Variants in TTC28 observed in about 807,000 individuals in gnomAD.
TTC28 encodes tetratricopeptide repeat protein 28.
In TTC28, 61 loss-of-function variants were observed where a neutral mutation model predicts 198.0. That is an observed-to-expected ratio of 0.31 (90% confidence interval 0.25 to 0.38). The LOEUF is 0.38. TTC28 is among the 10% of genes least tolerant of loss of function. TTC28 has a pLI of 1.00. For missense variants in TTC28, 2,678 were observed against 3,164.0 expected, an observed-to-expected ratio of 0.85 and a Z score of 3.69; for synonymous variants, 1,171 against 1,297.8, an observed-to-expected ratio of 0.90 and a Z score of 2.10.
chr22:28,565,171 G>A (rs1251338381), intron 2 of TTC28, among the ~76,000 whole-genome samples: 1 of 151,664 alleles, frequency 6.6e-6, no homozygotes, highest in East Asian at 1.9e-4. Flanking sequence ...CTCATAAGCT[G>A]GGAAGACAAT....
chr22:28,448,289 C>A (rs1401706986), intron 2 of TTC28, among the ~76,000 whole-genome samples: 2 of 152,096 alleles, frequency 1.3e-5, no homozygotes, highest in East Asian at 1.9e-4. Flanking sequence ...CTATTCAAAT[C>A]TGAACAAAAG....
At chr22:28,489,663 G>A (rs923862017) in intron 2 of TTC28, among the ~76,000 whole-genome samples, 26 of 152,118 alleles carry the variant, frequency 1.7e-4, no homozygotes, top group Non-Finnish European at 7.4e-5. Flanking sequence ...GTGCATGCCT[G>A]TAGTTCCAGC....
intron 6 of TTC28, among the ~76,000 whole-genome samples, chr22:28,156,202 A>C (rs1943745528): frequency 6.6e-6 from 1 of 152,202 alleles, no homozygotes; most frequent in African/African-American, 2.4e-5. Context: ...CAAATTAAGA[A>C]TCTTGAGAAA....
rs529094865 is a variant in TTC28, at chr22:28,623,118, C to T, written c.381+6434G>A. ...GATTACAGGTGTGAGCCACCATGCC[C>T]GGCCCAAAATAGATATTTTTTAAGA... On this transcript the variant is annotated intron_variant, in intron 2 of 22. Transcript: ENST00000397906. Among the ~76,000 whole-genome samples, 234 of 152,120 alleles carry T rather than the reference C, an allele frequency of 1.5e-3. 1 individual carries two copies. The highest frequency in any genetic ancestry group is 5.1e-3 in the African/African-American group (212 of 41,466).
intron 22 of TTC28, among the ~76,000 whole-genome samples, chr22:27,984,946 T>C (rs1311996943): frequency 6.6e-6 from 1 of 152,208 alleles, no homozygotes; most frequent in Non-Finnish European, 1.5e-5. Flanking sequence ...GGTCAGGCCC[T>C]GTGGCCCCAC....
chr22:28,609,455 C>T (rs772581613), intron 2 of TTC28, among the ~76,000 whole-genome samples: 6 of 152,128 alleles, frequency 3.9e-5, no homozygotes, highest in Non-Finnish European at 7.3e-5. Flanking sequence ...GGTGAGGCGT[C>T]GCCTTACCCG....
intron 2 of TTC28, among the ~76,000 whole-genome samples, chr22:28,511,044 A>T (rs2048681084): frequency 6.6e-6 from 1 of 152,202 alleles, no homozygotes; most frequent in African/African-American, 2.4e-5. Context: ...ATGCTCATGG[A>T]TAGGAATAAT....
intron 1 of TTC28, among the ~76,000 whole-genome samples, chr22:28,632,863 T>C (rs888252193): frequency 1.3e-5 from 2 of 151,966 alleles, no homozygotes; most frequent in Admixed American, 1.3e-4. Flanking sequence ...CAGTGGTTCA[T>C]CCCTGTAATC....
intron 12 of TTC28, among the ~76,000 whole-genome samples, chr22:28,067,008 C>T (rs1269807495): frequency 6.6e-6 from 1 of 152,176 alleles, no homozygotes; most frequent in Non-Finnish European, 1.5e-5. Context: ...CTGAGCCCTC[C>T]CTAAAGTACC....
intron 6 of TTC28, among the ~76,000 whole-genome samples, chr22:28,112,279 T>C (rs1003152570): frequency 6.6e-6 from 1 of 152,194 alleles, no homozygotes; most frequent in African/African-American, 2.4e-5. Flanking sequence ...ATTCTGTTTC[T>C]CTGACTCTCA....
intron 13 of TTC28, among the ~76,000 whole-genome samples, chr22:28,026,248 G>C (rs1271761663): frequency 6.6e-6 from 1 of 152,166 alleles, no homozygotes; most frequent in African/African-American, 2.4e-5. Flanking sequence ...CGTGGCAGCA[G>C]CTCTGGCTCT....
chr22:28,167,912 C>T (rs1352491753), intron 5 of TTC28, among the ~76,000 whole-genome samples: 1 of 152,140 alleles, frequency 6.6e-6, no homozygotes, highest in Non-Finnish European at 1.5e-5. Context: ...GATTGTATAT[C>T]TAGAAAACCC....
At chr22:28,186,234 C>T (rs1379973428) in intron 5 of TTC28, among the ~76,000 whole-genome samples, 1 of 152,006 alleles carries the variant, frequency 6.6e-6, no homozygotes, top group Non-Finnish European at 1.5e-5. Context: ...ATAAAAATTA[C>T]CTTTGGAAGA....
chr22:28,065,524 C>G (rs1479302879), intron 12 of TTC28, among the ~76,000 whole-genome samples: 1 of 152,144 alleles, frequency 6.6e-6, no homozygotes, highest in Non-Finnish European at 1.5e-5. Flanking sequence ...AGAAAACACC[C>G]TATAAGGCCA....
rs569086702 is a variant in TTC28, at chr22:28,615,794, G to A, written c.381+13758C>T. On this transcript the variant is annotated intron_variant, in intron 2 of 22. Transcript: ENST00000397906. ...AAACATCACACATCGGGGCCTGTAGGGGGGTGGGGGGCTAGGGGAAGGATA... is the reference window on the plus strand; with the variant it reads ...AAACATCACACATCGGGGCCTGTAGAGGGGTGGGGGGCTAGGGGAAGGATA... Among the ~76,000 whole-genome samples the A allele has an allele frequency of 5.3e-5, 8 of 151,750 alleles. No homozygotes were observed. The South Asian group carries it at 1.1e-3, about 20-fold the overall frequency.
intron 2 of TTC28, among the ~76,000 whole-genome samples, chr22:28,476,243 T>C (rs1601445296): frequency 6.6e-6 from 1 of 152,184 alleles, no homozygotes; most frequent in African/African-American, 2.4e-5. Context: ...CTGAATAAAA[T>C]ATTATTTAGT....
At position 28,296,307 on chromosome 22, in the gene TTC28, C is replaced by A; in HGVS notation, c.824G>T (p.Arg275Leu). 6.5e-7 allele frequency: 1 copy of A among 1,541,274 alleles called. No individual in the cohort carries two copies. Among genetic ancestry groups the A allele is most frequent in the Non-Finnish European group, 8.7e-7 (1 of 1,143,010 alleles). The part of the protein sequence containing the change: ...KTLGDQTGEC[R>L]AHGNLGSAFF... ...TGCAGAGCCCAGATTCCCATGAGCT[C>A]GGCATTCTCCTGTCTGGTCACCTGG... is the stretch of plus-strand genomic sequence containing the variant. The change falls in exon 5 of 23, where the codon CGA becomes CTA. Residue 275 changes from arginine to leucine, a missense_variant. Physicochemically the swap from Arg to Leu is moderately radical, Grantham distance 102. Coordinates refer to ENST00000397906, the MANE Select transcript of TTC28 (RefSeq NM_001145418.2).
chr22:28,299,835 G>A (rs1569246836), intron 3 of TTC28, among the ~76,000 whole-genome samples: 4 of 152,134 alleles, frequency 2.6e-5, no homozygotes, highest in Admixed American at 2.6e-4. Context: ...CTAAGCCCAG[G>A]TTCTATGACA....
intron 6 of TTC28, among the ~76,000 whole-genome samples, chr22:28,112,552 T>C (rs1211551998): frequency 6.6e-6 from 1 of 152,176 alleles, no homozygotes; most frequent in African/African-American, 2.4e-5. Flanking sequence ...ACTGGGAATT[T>C]TTCATCCTCC....
Sources: gnomAD v4.1 joint callset for allele counts (sites outside exome capture counted in the v4.1 genomes callset) on GRCh38, gnomAD v4.1.1 for gene constraint, MANE v1.5 for transcripts, NCBI Gene and HGNC (gene_info 2026-07-23, HGNC 2026-07-21) for gene names.